Variants in ESRRG observed in about 807,000 individuals in gnomAD.
ESRRG encodes estrogen-related receptor gamma.
In ESRRG, 13 loss-of-function variants were observed where a neutral mutation model predicts 44.0. That is an observed-to-expected ratio of 0.30 (90% CI 0.19 to 0.47). The LOEUF is 0.47. Among genes scored for constraint, ESRRG ranks in the 20% least tolerant of loss-of-function variants. The pLI is 1.00. For missense variants in ESRRG, 395 were observed against 580.6 expected, an observed-to-expected ratio of 0.68 and a Z score of 3.29; for synonymous variants, 215 against 214.6, an observed-to-expected ratio of 1.00 and a Z score of -0.02.
rs539770002 is a variant in ESRRG at position 217,119,299 on chromosome 1, G to A, written c.-230+18368C>T. Among the ~76,000 whole-genome samples, 35 of 152,146 alleles carry A rather than the reference G, an allele frequency of 2.3e-4. No homozygotes were observed. In the South Asian group the frequency reaches 3.7e-3, roughly 16 times the overall value. On this transcript the variant is annotated intron_variant, in intron 1 of 8. Coordinates refer to the ESRRG transcript ENST00000366940. The stretch of plus-strand genomic sequence containing the variant: ...ACCACAGATAGAGGCTGTTTGTGTC[G>A]TTATGACTAAATCTAATAGATTTAA...
chr1:216,693,782 G>A (rs948104044), intron 1 of ESRRG, among the ~76,000 whole-genome samples: 1 of 152,094 alleles, frequency 6.6e-6, no homozygotes, highest in Non-Finnish European at 1.5e-5. Context: ...CAGACATGGA[G>A]AAATGACTGT....
intron 2 of ESRRG, among the ~76,000 whole-genome samples, chr1:216,847,485 G>C (rs539005699): frequency 2.0e-5 from 3 of 152,172 alleles, no homozygotes; most frequent in African/African-American, 4.8e-5. Flanking sequence ...TTCCTCGGGG[G>C]AGTATGAACG....
intron 1 of ESRRG, among the ~76,000 whole-genome samples, chr1:217,028,233 A>G (rs2081514326): frequency 6.6e-6 from 1 of 152,178 alleles, no homozygotes; most frequent in African/African-American, 2.4e-5. Flanking sequence ...CTCTATCTCC[A>G]TTACCTCTCC....
At chr1:216,851,934 A>G (rs564393686) in intron 2 of ESRRG, among the ~76,000 whole-genome samples, 2 of 152,100 alleles carry the variant, frequency 1.3e-5, no homozygotes, top group South Asian at 4.1e-4. Context: ...CAAAAAAAAA[A>G]TCACCAAATG....
At chr1:216,889,612 G>A (rs1050515184) in intron 2 of ESRRG, among the ~76,000 whole-genome samples, 1 of 152,196 alleles carries the variant, frequency 6.6e-6, no homozygotes, top group Non-Finnish European at 1.5e-5. Flanking sequence ...GAAGCCAAAT[G>A]AGGTGCTGTC....
intron 2 of ESRRG, among the ~76,000 whole-genome samples, chr1:216,886,985 G>C (rs992913897): frequency 2.0e-5 from 3 of 152,046 alleles, no homozygotes; most frequent in East Asian, 3.9e-4. Flanking sequence ...CAATCCACCC[G>C]CCTCGGTCTC....
chr1:216,850,953 A>G (rs577967563), intron 2 of ESRRG, among the ~76,000 whole-genome samples: 2 of 151,250 alleles, frequency 1.3e-5, no homozygotes, highest in East Asian at 3.9e-4. Context: ...ATCTTTCTGG[A>G]AGATACGGCC....
chr1:216,572,556 G>GT (rs1049302523), intron 3 of ESRRG, among the ~76,000 whole-genome samples: 6 of 151,680 alleles, frequency 4.0e-5, no homozygotes, highest in Non-Finnish European at 5.9e-5. Context: ...TATTTTTAAT[G>GT]TTTTTTCCAG....
intron 2 of ESRRG, among the ~76,000 whole-genome samples, chr1:216,932,058 G>A (rs544340772): frequency 6.6e-6 from 1 of 152,158 alleles, no homozygotes; most frequent in African/African-American, 2.4e-5. Flanking sequence ...ATAAAAATCA[G>A]CCGGACATGG....
intron 2 of ESRRG, among the ~76,000 whole-genome samples, chr1:216,746,825 G>A (rs947497725): frequency 2.0e-5 from 3 of 152,222 alleles, no homozygotes; most frequent in African/African-American, 7.2e-5. Context: ...TCAGATAAAT[G>A]AAGCATGTAA....
intron 1 of ESRRG, among the ~76,000 whole-genome samples, chr1:216,702,037 G>A (rs2081465082): frequency 6.6e-6 from 1 of 152,104 alleles, no homozygotes; most frequent in African/African-American, 2.4e-5. Context: ...GAAATCACTA[G>A]ACTTACCAAT....
chr1:216,725,917 T>C (rs1244032376), upstream of ESRRG, among the ~76,000 whole-genome samples: 3 of 152,186 alleles, frequency 2.0e-5, no homozygotes, highest in East Asian at 5.8e-4. Context: ...AAGACAAGAT[T>C]TGTAGTGTAT....
chr1:216,883,311 G>A (rs998000008), intron 2 of ESRRG, among the ~76,000 whole-genome samples: 3 of 149,814 alleles, frequency 2.0e-5, no homozygotes, highest in African/African-American at 7.4e-5. Context: ...TTTGAACCTG[G>A]GAGGCGGAGG....
intron 2 of ESRRG, among the ~76,000 whole-genome samples, chr1:216,912,175 GAA>G (rs1491486769): frequency 0.016 from 364 of 23,072 alleles, 30 homozygotes; most frequent in South Asian, 0.019. Flanking sequence ...GAAAAGAAAA[GAA>G]AAGAAAAGGA....
At chr1:216,618,973 C>G (rs550026590) in intron 3 of ESRRG, among the ~76,000 whole-genome samples, 2 of 152,320 alleles carry the variant, frequency 1.3e-5, no homozygotes, top group African/African-American at 4.8e-5. Flanking sequence ...CCACTAGAAC[C>G]CTGTAGGCTT....
chr1:216,726,277 A>G (rs1213328670), upstream of ESRRG, among the ~76,000 whole-genome samples: 1 of 152,188 alleles, frequency 6.6e-6, no homozygotes, highest in African/African-American at 2.4e-5. Flanking sequence ...GTACAAGTCA[A>G]GGACCTAAAG....
At chr1:217,080,907 G>A (rs930232098) in intron 1 of ESRRG, among the ~76,000 whole-genome samples, 1 of 151,994 alleles carries the variant, frequency 6.6e-6, no homozygotes, top group Non-Finnish European at 1.5e-5. Flanking sequence ...TCAATCTCCT[G>A]ACCTCGTGAT....
rs1364779120 is a variant in ESRRG at position 217,026,908 on chromosome 1, CACACAG to C, written c.-106+62593_-106+62598del. The stretch of plus-strand genomic sequence containing the variant: ...ACACATACACACACACACACACACA[CACACAG>C]AGAGAGAGAGAGAGAGAGAGAGAGA... On this transcript the variant is annotated intron_variant, in intron 1 of 7. Transcript: ENST00000359162. Among the ~76,000 whole-genome samples the C allele has an allele frequency of 1.3e-3, 115 of 90,824 alleles. No homozygotes were observed. In the East Asian group the frequency reaches 0.018, roughly 14 times the overall value. 59.6% of individuals were successfully genotyped at this position (90,824 alleles called of 152,430 possible).
At chr1:216,681,031 T>G (rs2076950944) in intron 1 of ESRRG, among the ~76,000 whole-genome samples, 1 of 152,216 alleles carries the variant, frequency 6.6e-6, no homozygotes, top group Non-Finnish European at 1.5e-5. Context: ...AAATTTTAAG[T>G]CACATTGGAT....
Sources: gnomAD v4.1 joint callset for allele counts (sites outside exome capture counted in the v4.1 genomes callset) on GRCh38, gnomAD v4.1.1 for gene constraint, MANE v1.5 for transcripts, NCBI Gene and HGNC (gene_info 2026-07-23, HGNC 2026-07-21) for gene names.